The following ANK3 variants were observed in gnomAD, a reference collection of about 807,000 sequenced individuals.
ANK3 encodes the protein ankyrin 3.
A neutral mutation model predicts 370.9 loss-of-function variants in ANK3; 57 were observed. The observed-to-expected ratio is 0.15, with a 90% confidence interval of 0.12 to 0.19. The LOEUF (loss-of-function observed/expected upper bound fraction) is 0.19. ANK3 is among the 10% of genes least tolerant of loss of function. The probability of loss-of-function intolerance (pLI) is 1.00; values close to 1 mark genes in which losing one functional copy is unlikely to be tolerated. For missense variants in ANK3, 4,439 were observed against 5,302.1 expected (o/e 0.84, Z 5.06); for synonymous variants, 1,929 against 1,946.3 (o/e 0.99, Z 0.23).
intron 2 of ANK3, among the ~76,000 whole-genome samples, chr10:60,497,560 T>C (rs1231717315): frequency 2.0e-5 from 3 of 152,148 alleles, no homozygotes; most frequent in Non-Finnish European, 2.9e-5. Flanking sequence ...CATGATTGAT[T>C]TATTAAGCTT....
At chr10:60,384,508 C>A (rs2061985234) in intron 1 of ANK3, among the ~76,000 whole-genome samples, 1 of 152,136 alleles carries the variant, frequency 6.6e-6, no homozygotes, top group South Asian at 2.1e-4. Context: ...CCTTGTATGG[C>A]ACAGTAGTTA....
intron 1 of ANK3, among the ~76,000 whole-genome samples, chr10:60,650,707 C>T (rs2078776494): frequency 6.6e-6 from 1 of 152,172 alleles, no homozygotes; most frequent in African/African-American, 2.4e-5. Flanking sequence ...AGGCTGTTTG[C>T]AGCAATTGTA....
chr10:60,338,491 G>C (rs1483273045), intron 1 of ANK3, among the ~76,000 whole-genome samples: 1 of 152,112 alleles, frequency 6.6e-6, no homozygotes, highest in East Asian at 1.9e-4. Context: ...AGAGAAATGG[G>C]CTATAAGCAG....
chr10:60,655,987 A>G (rs2078858272), intron 1 of ANK3, among the ~76,000 whole-genome samples: 1 of 152,194 alleles, frequency 6.6e-6, no homozygotes, highest in African/African-American at 2.4e-5. Context: ...CTAGGTATGT[A>G]GTCGACTATG....
chr10:60,676,807 T>C (rs372468396), intron 1 of ANK3, among the ~76,000 whole-genome samples: 1 of 152,188 alleles, frequency 6.6e-6, no homozygotes, highest in Non-Finnish European at 1.5e-5. Flanking sequence ...GTTAGAAGGA[T>C]AAGTGCTAGT....
At chr10:60,081,791 T>C (rs1037299887) in intron 35 of ANK3, 1 of 230,568 alleles carries the variant, frequency 4.3e-6, no homozygotes, top group Non-Finnish European at 8.1e-6. Flanking sequence ...TCGTCAGTCA[T>C]AGATAGAACT....
At chr10:60,487,163 TA>T (rs1489855510) in intron 2 of ANK3, among the ~76,000 whole-genome samples, 7 of 152,218 alleles carry the variant, frequency 4.6e-5, no homozygotes, top group Admixed American at 4.6e-4. Context: ...ATACTATCAA[TA>T]TTTTTTTGGA....
intron 2 of ANK3, among the ~76,000 whole-genome samples, chr10:60,602,189 G>T (rs945776619): frequency 6.6e-6 from 1 of 152,100 alleles, no homozygotes; most frequent in African/African-American, 2.4e-5. Context: ...TATTTATGCA[G>T]AAGACTTTCA....
At chr10:60,540,320 A>G (rs1407402416) in intron 2 of ANK3, among the ~76,000 whole-genome samples, 1 of 151,864 alleles carries the variant, frequency 6.6e-6, no homozygotes, top group Admixed American at 6.6e-5. Context: ...AGATGAAGTC[A>G]CCTCAGTTCT....
At chr10:60,430,149 G>T (rs921374467) in intron 2 of ANK3, among the ~76,000 whole-genome samples, 3 of 152,134 alleles carry the variant, frequency 2.0e-5, no homozygotes, top group Non-Finnish European at 2.9e-5. Flanking sequence ...TCTGAACAAT[G>T]CATTTAACTA....
chr10:60,437,729 T>A (rs529005719), intron 2 of ANK3, among the ~76,000 whole-genome samples: 19 of 152,160 alleles, frequency 1.2e-4, no homozygotes, highest in Non-Finnish European at 2.5e-4. Flanking sequence ...AATTTAGTAA[T>A]CTCCTGACCT....
chr10:60,438,051 G>A (rs2064202382), intron 2 of ANK3, among the ~76,000 whole-genome samples: 1 of 152,094 alleles, frequency 6.6e-6, no homozygotes, highest in African/African-American at 2.4e-5. Context: ...AAAGCTGAGA[G>A]GAGGCCAAGC....
At chr10:60,556,889 C>T (rs114737119) in intron 2 of ANK3, among the ~76,000 whole-genome samples, 1,620 of 152,274 alleles carry the variant, frequency 0.011, 34 homozygotes, top group African/African-American at 0.037. Context: ...GCTCCACCTC[C>T]TGTTGGATCA....
chr10:60,437,640 C>T (rs1408457704), intron 2 of ANK3, among the ~76,000 whole-genome samples: 1 of 152,110 alleles, frequency 6.6e-6, no homozygotes, highest in Non-Finnish European at 1.5e-5. Context: ...GTTCCATGAC[C>T]CTGGAATGCT....
chr10:60,670,743 T>A (rs1323876391), intron 1 of ANK3, among the ~76,000 whole-genome samples: 1 of 152,152 alleles, frequency 6.6e-6, no homozygotes, highest in Non-Finnish European at 1.5e-5. Context: ...GTACTATTTG[T>A]CCAAAATAAA....
chr10:60,572,238 A>T (rs542140109), intron 2 of ANK3, among the ~76,000 whole-genome samples: 3 of 152,346 alleles, frequency 2.0e-5, no homozygotes, highest in Non-Finnish European at 4.4e-5. Flanking sequence ...AGTGAAATCT[A>T]AATGACTGTA....
At chr10:60,715,287 T>C (rs1474532893) in intron 1 of ANK3, among the ~76,000 whole-genome samples, 1 of 151,462 alleles carries the variant, frequency 6.6e-6, no homozygotes, top group South Asian at 2.1e-4. Context: ...AAACACGGTG[T>C]TTGATTTACC....
intron 24 of ANK3, among the ~76,000 whole-genome samples, chr10:60,135,138 G>A (rs1451108402): frequency 1.3e-5 from 2 of 152,120 alleles, no homozygotes; most frequent in Admixed American, 6.5e-5. Context: ...CAGGGCCCTT[G>A]GGAGAACAGT....
chr10:60,653,029 A>C (rs955466002), intron 1 of ANK3, among the ~76,000 whole-genome samples: 1 of 152,182 alleles, frequency 6.6e-6, no homozygotes, highest in African/African-American at 2.4e-5. Flanking sequence ...TGTTATAATT[A>C]TAAGAGACCT....
Sources: gnomAD v4.1 joint callset for allele counts (sites outside exome capture counted in the v4.1 genomes callset) on GRCh38, gnomAD v4.1.1 for gene constraint, MANE v1.5 for transcripts, NCBI Gene and HGNC (gene_info 2026-07-23, HGNC 2026-07-21) for gene names.